The following GARIN1A variants were observed in gnomAD, a reference collection of about 807,000 sequenced individuals.
GARIN1A encodes the protein Golgi-associated RAB2 interactor protein 1A.
chr7:128,682,911 T>C, the GARIN1A span: 2 of 1,372,240 alleles, frequency 1.5e-6, no homozygotes, highest in Admixed American at 2.6e-5. Flanking sequence ...TAACAATGTT[T>C]TCTTTTTCTT....
At chr7:128,708,173 T>C in the GARIN1A span, among the ~76,000 whole-genome samples, 1 of 131,654 alleles carries the variant, frequency 7.6e-6, no homozygotes, top group Admixed American at 7.9e-5. Context: ...CCACTGCACC[T>C]GGACAATTTT....
At chr7:128,700,908 T>A in the GARIN1A span, among the ~76,000 whole-genome samples, 1 of 151,944 alleles carries the variant, frequency 6.6e-6, no homozygotes, top group Non-Finnish European at 1.5e-5. Flanking sequence ...AAAGAAGACA[T>A]CTTGAAGGAG....
At chr7:128,673,406 A>C in the GARIN1A span, among the ~76,000 whole-genome samples, 1 of 152,320 alleles carries the variant, frequency 6.6e-6, no homozygotes, top group Non-Finnish European at 1.5e-5. Context: ...CAGTTGAAGA[A>C]GGCTTTCCAG....
chr7:128,692,667 T>C, the GARIN1A span, among the ~76,000 whole-genome samples: 41,149 of 152,104 alleles, frequency 0.27, 5,932 homozygotes, highest in East Asian at 0.54. Flanking sequence ...TCTTAAAAGA[T>C]GTGGTGGAAA....
the GARIN1A span, among the ~76,000 whole-genome samples, chr7:128,695,826 G>C: frequency 6.6e-6 from 1 of 152,036 alleles, no homozygotes; most frequent in African/African-American, 2.4e-5. This position sits in a 1 kb window ranked among gnomAD's most constrained non-coding sequence, Gnocchi z 4.5. Flanking sequence ...TTACAGGTGT[G>C]AGCCACCATG....
chr7:128,706,173 C>T, the GARIN1A span, among the ~76,000 whole-genome samples: 1 of 152,280 alleles, frequency 6.6e-6, no homozygotes, highest in South Asian at 2.1e-4. Context: ...CTGTCTTCTG[C>T]ATTCTTTTGA....
the GARIN1A span, among the ~76,000 whole-genome samples, chr7:128,698,379 T>A: frequency 6.6e-6 from 1 of 152,056 alleles, no homozygotes; most frequent in East Asian, 1.9e-4. Flanking sequence ...GGTCAGCGAG[T>A]CCTGGGCAGC....
chr7:128,699,118 G>C, the GARIN1A span, among the ~76,000 whole-genome samples: 3 of 151,956 alleles, frequency 2.0e-5, no homozygotes, highest in African/African-American at 7.3e-5. Flanking sequence ...ATTTAACAAG[G>C]CACCAACTGA....
chr7:128,699,598 G>T, the GARIN1A span, among the ~76,000 whole-genome samples: 55 of 152,322 alleles, frequency 3.6e-4, no homozygotes, highest in African/African-American at 1.2e-3. Flanking sequence ...GCAATTCAGT[G>T]ATTAAAATTT....
chr7:128,691,122 A>G, the GARIN1A span: 1 of 152,240 alleles, frequency 6.6e-6, no homozygotes, highest in African/African-American at 2.4e-5. Context: ...TACACATCGA[A>G]TATAGATTGA....
At chr7:128,681,241 A>G in the GARIN1A span, among the ~76,000 whole-genome samples, 3 of 152,154 alleles carry the variant, frequency 2.0e-5, no homozygotes, top group African/African-American at 7.2e-5. Flanking sequence ...GAAAACTATC[A>G]AAACCCTGAA....
the GARIN1A span, chr7:128,687,965 G>A: frequency 6.6e-6 from 1 of 152,028 alleles, no homozygotes; most frequent in Non-Finnish European, 1.5e-5. Context: ...GTTACGCCTT[G>A]ACATCCTCTA....
chr7:128,695,681 C>T, the GARIN1A span, among the ~76,000 whole-genome samples: 1 of 152,238 alleles, frequency 6.6e-6, no homozygotes, highest in South Asian at 2.1e-4. The surrounding 1 kb of genome is among the most constrained non-coding windows in gnomAD (Gnocchi z 4.5). Flanking sequence ...GCTGTGATTA[C>T]AGGTGTGGGC....
chr7:128,705,193 T>C, the GARIN1A span, among the ~76,000 whole-genome samples: 1 of 152,212 alleles, frequency 6.6e-6, no homozygotes, highest in Non-Finnish European at 1.5e-5. Flanking sequence ...GCTAGAAACA[T>C]TTCCCTCATG....
the GARIN1A span, among the ~76,000 whole-genome samples, chr7:128,678,357 G>A: frequency 1.4e-4 from 22 of 152,254 alleles, no homozygotes; most frequent in Admixed American, 1.2e-3. Flanking sequence ...GCTAAAACAA[G>A]CATTTATATG....
At chr7:128,686,865 G>C in the GARIN1A span, 1 of 144,656 alleles carries the variant, frequency 6.9e-6, no homozygotes. Context: ...AACAGAGCAA[G>C]ATTCCATCTC....
At chr7:128,694,528 T>A in the GARIN1A span, among the ~76,000 whole-genome samples, 40,755 of 142,090 alleles carry the variant, frequency 0.29, 5,869 homozygotes, top group East Asian at 0.57. Flanking sequence ...AGTGAGACTC[T>A]GTCTCAAAAA....
At chr7:128,689,838 C>T in the GARIN1A span, among the ~76,000 whole-genome samples, 1 of 151,030 alleles carries the variant, frequency 6.6e-6, no homozygotes, top group Non-Finnish European at 1.5e-5. Flanking sequence ...GTGGGGGGCA[C>T]CTCTGCCCGG....
At chr7:128,690,052 TTC>T in the GARIN1A span, among the ~76,000 whole-genome samples, 1 of 152,236 alleles carries the variant, frequency 6.6e-6, no homozygotes, top group Non-Finnish European at 1.5e-5. Context: ...CTTCATTTTG[TTC>T]TGTACTAAGA....
Sources: gnomAD v4.1 joint callset for allele counts (sites outside exome capture counted in the v4.1 genomes callset) on GRCh38, gnomAD v4.1.1 for gene constraint, Gnocchi (gnomAD v3.1) non-coding constraint, MANE v1.5 for transcripts, NCBI Gene and HGNC (gene_info 2026-07-23, HGNC 2026-07-21) for gene names.